PLCE1: variants seen among roughly 807,000 people sequenced by gnomAD.
PLCE1 encodes 1-phosphatidylinositol 4,5-bisphosphate phosphodiesterase epsilon-1.
A neutral mutation model predicts 242.8 loss-of-function variants in PLCE1; 119 were observed. That is an observed-to-expected ratio of 0.49 (90% CI 0.42 to 0.57). The LOEUF (loss-of-function observed/expected upper bound fraction) is 0.57, where lower values mean the gene tolerates loss of function less well. Ranked by LOEUF, PLCE1 falls within the 20% of genes least tolerant of loss-of-function variation. PLCE1 has a pLI of 0.00. For missense variants in PLCE1, 2,441 were observed against 2,788.8 expected, an observed-to-expected ratio of 0.88 and a Z score of 2.81; for synonymous variants, 945 against 1,017.4, an observed-to-expected ratio of 0.93 and a Z score of 1.35.
chr10:94,227,299 T>C lies in PLCE1; in HGVS notation c.1810-7T>C. 2 of 1,613,804 alleles carry C rather than the reference T, an allele frequency of 1.2e-6. No homozygotes were observed. The highest frequency in any genetic ancestry group is 1.7e-6 in the Non-Finnish European group (2 of 1,179,658). ...AATTCCCGTGAATGTCTCTGTGTGTTTTCCAGGTGAGCTCCTGGGTGACAT... is the reference window on the plus strand; with the variant it reads ...AATTCCCGTGAATGTCTCTGTGTGTCTTCCAGGTGAGCTCCTGGGTGACAT... On this transcript the variant is annotated splice_region_variant and splice_polypyrimidine_tract_variant and intron_variant, in intron 4 of 32. Coordinates refer to ENST00000371380, the MANE Select transcript of PLCE1 (RefSeq NM_016341.4).
intron 4 of PLCE1, among the ~76,000 whole-genome samples, chr10:94,192,085 T>C (rs889434534): frequency 6.6e-6 from 1 of 152,228 alleles, no homozygotes; most frequent in Non-Finnish European, 1.5e-5. Context: ...ATGATAGATG[T>C]GAACGATGAG....
intron 32 of PLCE1, among the ~76,000 whole-genome samples, chr10:94,327,004 C>T (rs1276152557): frequency 1.3e-5 from 2 of 151,438 alleles, no homozygotes; most frequent in Non-Finnish European, 2.9e-5. Flanking sequence ...ACTAAAAATA[C>T]AACAACAGTT....
At chr10:94,213,020 G>T (rs962999252) in intron 4 of PLCE1, among the ~76,000 whole-genome samples, 1 of 152,214 alleles carries the variant, frequency 6.6e-6, no homozygotes, top group Non-Finnish European at 1.5e-5. Context: ...GCTGCAGCCA[G>T]GCTGCTGGGC....
chr10:94,276,513 T>C (rs557903505), intron 19 of PLCE1, among the ~76,000 whole-genome samples: 55 of 152,326 alleles, frequency 3.6e-4, no homozygotes, highest in African/African-American at 1.1e-3. Context: ...CATCTGTTTA[T>C]ATAAAAATAA....
chr10:94,276,082 T>C (rs1055043594), intron 19 of PLCE1, among the ~76,000 whole-genome samples: 11 of 152,186 alleles, frequency 7.2e-5, no homozygotes, highest in African/African-American at 2.7e-4. Context: ...ATCTGGTACA[T>C]TTATTAGCAG....
Position 94,033,739 on chromosome 10 carries a change from A to T in PLCE1, c.1206+1487A>T, listed in dbSNP as rs1021726313. Among the ~76,000 whole-genome samples the T allele has an allele frequency of 2.0e-5, 3 of 152,036 alleles. No individual in the cohort carries two copies. The East Asian group carries it at 5.8e-4, about 29-fold the overall frequency. On this transcript the variant is annotated intron_variant, in intron 2 of 32. Coordinates refer to ENST00000371380, the MANE Select transcript of PLCE1 (RefSeq NM_016341.4). ...GCCATGTGCCATCTTGGATTTTTTT[A>T]TCCTGAAAACTCTTGCTTCCTTCAG...
chr10:94,008,306 T>C (rs1440626020), intron 1 of PLCE1, among the ~76,000 whole-genome samples: 2 of 151,274 alleles, frequency 1.3e-5, no homozygotes, highest in African/African-American at 4.9e-5. Context: ...AAATGTACCA[T>C]ATTTTGTTTT....
chr10:94,306,614 G>A lies in PLCE1; in HGVS notation c.5810G>A (p.Arg1937His), dbSNP rs1314937548. The A allele has an allele frequency of 3.7e-6, 6 of 1,614,094 alleles. No homozygotes were observed. The highest frequency in any genetic ancestry group is 1.3e-5 in the African/African-American group (1 of 75,012). The stretch of plus-strand genomic sequence containing the variant: ...CACTTCGAAGATCTTGTATTTCTTC[G>A]TTTTGCAGTTGTGGAAAACAATAGT... ...HVHFEDLVFL[R>H]FAVVENNSSA... Residue 1937 changes from arginine to histidine, a missense_variant, in exon 26 of 33, where the codon CGT becomes CAT. This residue lies in a region of PLCE1 where 1,004 missense variants were observed against 1,322.7 expected (regional missense o/e 0.76). Coordinates refer to ENST00000371380, the MANE Select transcript of PLCE1 (RefSeq NM_016341.4). This position sits in a 1 kb window ranked among gnomAD's most constrained non-coding sequence, Gnocchi z 5.7.
intron 4 of PLCE1, among the ~76,000 whole-genome samples, chr10:94,188,788 A>T (rs1309895178): frequency 6.6e-6 from 1 of 152,028 alleles, no homozygotes; most frequent in Non-Finnish European, 1.5e-5. Context: ...TGAATTTAAT[A>T]GAGATGGCGT....
intron 4 of PLCE1, among the ~76,000 whole-genome samples, chr10:94,178,150 C>T (rs1252086690): frequency 1.3e-5 from 2 of 152,170 alleles, no homozygotes; most frequent in African/African-American, 2.4e-5. Flanking sequence ...CACTTCCAGG[C>T]ACTCTTTTGT....
chr10:94,093,967 A>G (rs1285832117), intron 2 of PLCE1, among the ~76,000 whole-genome samples: 1 of 98,108 alleles, frequency 1.0e-5, no homozygotes, highest in Non-Finnish European at 1.8e-5. Context: ...TTTGAGACGG[A>G]GTCTCGCTCT....
intron 22 of PLCE1, among the ~76,000 whole-genome samples, chr10:94,292,717 C>T (rs761180372): frequency 5.3e-5 from 8 of 152,172 alleles, no homozygotes; most frequent in Non-Finnish European, 4.4e-5. Flanking sequence ...ATCTGAAATA[C>T]GACCTCCTGA....
chr10:94,232,576 T>C (rs941337789), intron 5 of PLCE1, among the ~76,000 whole-genome samples: 1 of 152,086 alleles, frequency 6.6e-6, no homozygotes, highest in African/African-American at 2.4e-5. Flanking sequence ...TCTTACTAGT[T>C]ACTCTCTCTA....
At chr10:94,021,894 A>G (rs2061382173) in intron 1 of PLCE1, among the ~76,000 whole-genome samples, 1 of 152,140 alleles carries the variant, frequency 6.6e-6, no homozygotes, top group African/African-American at 2.4e-5. Context: ...TAGGAACACA[A>G]GATAAAATCT....
chr10:94,306,365 C>G lies in PLCE1; in HGVS notation c.5623-62C>G. On this transcript the variant is annotated intron_variant, in intron 25 of 32. Transcript: ENST00000371380. The surrounding 1 kb of genome is among the most constrained non-coding windows in gnomAD (Gnocchi z 5.7). Reference sequence around the variant, plus strand: ...CTTTGCAGAGGGAAGCAGTGAGGTGCAGAGGTTGTCTTTCTTTTTTATCCT... The same window carrying G: ...CTTTGCAGAGGGAAGCAGTGAGGTGGAGAGGTTGTCTTTCTTTTTTATCCT... 1 of 1,613,640 alleles carries G rather than the reference C, an allele frequency of 6.2e-7. No homozygotes were observed. Among genetic ancestry groups the G allele is most frequent in the Non-Finnish European group, 8.5e-7 (1 of 1,179,692 alleles).
At chr10:94,148,851 G>C (rs994182943) in intron 3 of PLCE1, among the ~76,000 whole-genome samples, 5 of 152,160 alleles carry the variant, frequency 3.3e-5, no homozygotes, top group African/African-American at 1.2e-4. Context: ...GATTCCACTT[G>C]TAGGACCTCC....
chr10:94,036,198 C>G (rs2061659728), intron 2 of PLCE1, among the ~76,000 whole-genome samples: 1 of 152,200 alleles, frequency 6.6e-6, no homozygotes, highest in African/African-American at 2.4e-5. Flanking sequence ...ACCCACCACA[C>G]AGTTCTAGCA....
intron 2 of PLCE1, among the ~76,000 whole-genome samples, chr10:94,050,266 A>C (rs2043727012): frequency 6.6e-6 from 1 of 152,180 alleles, no homozygotes; most frequent in Non-Finnish European, 1.5e-5. Flanking sequence ...ATCAGGCGGA[A>C]GGGGAAGCAG....
At chr10:94,180,152 G>T (rs1267596460) in intron 4 of PLCE1, among the ~76,000 whole-genome samples, 1 of 151,932 alleles carries the variant, frequency 6.6e-6, no homozygotes, top group African/African-American at 2.4e-5. Context: ...TGATACTTTT[G>T]AATCAAAAGC....
Sources: allele counts gnomAD v4.1 joint callset (sites outside exome capture counted in the v4.1 genomes callset), GRCh38; gene constraint gnomAD v4.1.1; regional missense constraint gnomAD v4.1.1; non-coding constraint Gnocchi (gnomAD v3.1); transcripts MANE v1.5; gene names NCBI Gene and HGNC (gene_info 2026-07-23, HGNC 2026-07-21).